Variants in ZNF774 observed in about 807,000 individuals in gnomAD.
The protein encoded by ZNF774 is zinc finger protein 774.
In ZNF774, 14 loss-of-function variants were observed where a neutral mutation model predicts 11.1. The observed-to-expected ratio is 1.26, with a 90% CI of 0.83 to 1.97. The LOEUF is 1.97. Among genes scored for constraint, ZNF774 ranks in the 30% most tolerant of loss-of-function variants. The pLI, the probability that ZNF774 is intolerant of heterozygous loss-of-function variation, is 0.00. For missense variants in ZNF774, 599 were observed against 587.0 expected (o/e 1.02, Z -0.21); for synonymous variants, 195 against 212.6 (o/e 0.92, Z 0.72).
chr15:90,353,841 A>C (rs1964207502), intron 1 of ZNF774, among the ~76,000 whole-genome samples: 1 of 152,106 alleles, frequency 6.6e-6, no homozygotes. Context: ...TAAGGGAAAA[A>C]ACATTATCTT....
chr15:90,361,083 TTTA>T lies in ZNF774; in HGVS notation c.1256_1258del (p.Ile419del). 1 of 1,614,176 alleles carries T rather than the reference TTTA, an allele frequency of 6.2e-7. No homozygotes were observed. Among genetic ancestry groups the T allele is most frequent in the Non-Finnish European group, 8.5e-7 (1 of 1,180,010 alleles). The stretch of plus-strand genomic sequence containing the variant: ...GAAGAGCTTCAATCAGAGCTCCCAC[TTTA>T]TTACCCATCAGCGAATCCACTTAGG... On this transcript the variant is annotated inframe_deletion, in exon 4 of 4. Coordinates refer to ENST00000354377, the MANE Select transcript of ZNF774 (RefSeq NM_001004309.3).
intron 2 of ZNF774, among the ~76,000 whole-genome samples, chr15:90,355,722 CAAAAAAAAA>C (rs35498554): frequency 4.5e-4 from 18 of 40,038 alleles, no homozygotes; most frequent in African/African-American, 1.6e-3. Flanking sequence ...GACTCTGTCT[CAAAAAAAAA>C]AAAAAAAAAA....
intron 2 of ZNF774, among the ~76,000 whole-genome samples, chr15:90,355,960 G>A (rs1464492711): frequency 1.1e-4 from 17 of 148,808 alleles, no homozygotes; most frequent in African/African-American, 2.2e-4. Context: ...ACTGGGAGGC[G>A]GAGCTTGCAG....
At position 90,356,067 on chromosome 15, in the gene ZNF774, C is replaced by T. The variant is rs1399491746; in HGVS notation, c.104+1303C>T. ...AAATAAAAAAAACCAAAAACACCTC[C>T]AATGCTCTTTCTCAAATATCATGGC... On this transcript the variant is annotated intron_variant, in intron 2 of 3. Transcript: ENST00000354377. Among the ~76,000 whole-genome samples, 5 of 148,768 alleles carry T rather than the reference C, an allele frequency of 3.4e-5. No individual in the cohort carries two copies. In the East Asian group the frequency reaches 7.8e-4, roughly 23 times the overall value.
chr15:90,360,626 C>T lies in ZNF774; in HGVS notation c.795C>T (p.Cys265=). ...ACACAGGCGAGAAGCCCTACGCGTG[C>T]CTGGAATGTCACAAAAGCTTCAGTC... ...RTHTGEKPYA[C]LECHKSFSRS... is the part of the protein sequence containing the mutation. The change falls in exon 4 of 4, where the codon TGC becomes TGT. Residue 265 remains cysteine (C), a synonymous_variant. Coordinates refer to ENST00000354377, the MANE Select transcript of ZNF774 (RefSeq NM_001004309.3). 1 of 1,614,174 alleles carries T rather than the reference C, an allele frequency of 6.2e-7. No individual in the cohort carries two copies. The highest frequency in any genetic ancestry group is 8.5e-7 in the Non-Finnish European group (1 of 1,180,032).
At chr15:90,356,507 A>G (rs1964251994) in intron 2 of ZNF774, among the ~76,000 whole-genome samples, 2 of 152,154 alleles carry the variant, frequency 1.3e-5, no homozygotes, top group African/African-American at 4.8e-5. Flanking sequence ...TACTTCATCT[A>G]TTATACAAGT....
In ZNF774 at chr15:90,354,718, C is replaced by T. The variant is rs541193191; in HGVS notation, c.58C>T (p.Leu20Phe). 6 of 1,612,716 alleles carry T rather than the reference C, an allele frequency of 3.7e-6. No homozygotes were observed. In the African/African-American group the frequency reaches 5.3e-5, roughly 14 times the overall value. The change falls in exon 2 of 4, where the codon CTC becomes TTC. Residue 20 changes from leucine (L) to phenylalanine (F), a missense_variant. Coordinates refer to ENST00000354377, the MANE Select transcript of ZNF774 (RefSeq NM_001004309.3). ...GLPGHCLENP[L>F]QECHPAQLEE... Reference sequence around the variant, plus strand: ...ACCTGGACACTGCTTAGAGAATCCTCTCCAGGAATGCCACCCAGCACAGTT... The same window carrying T: ...ACCTGGACACTGCTTAGAGAATCCTTTCCAGGAATGCCACCCAGCACAGTT...
rs1450592634 is a variant in ZNF774 at position 90,355,299 on chromosome 15, T to A, written c.104+535T>A. 10 of 456,164 alleles carry A rather than the reference T, an allele frequency of 2.2e-5. No individual in the cohort carries two copies. The Admixed American group carries it at 2.3e-4, about 11-fold the overall frequency. The allele number at this position is 456,164 out of a possible 1,614,324, so 28.3% of individuals were successfully genotyped here. Reference sequence around the variant, plus strand: ...ATGTCTTTGCTATTTATTGTCCTTTTAATATCTCATCATAACTTTTTGACT... The same window carrying A: ...ATGTCTTTGCTATTTATTGTCCTTTAAATATCTCATCATAACTTTTTGACT... On this transcript the variant is annotated intron_variant, in intron 2 of 3. Coordinates refer to ENST00000354377, the MANE Select transcript of ZNF774 (RefSeq NM_001004309.3).
chr15:90,357,559 T>C (rs1243307682), intron 2 of ZNF774, among the ~76,000 whole-genome samples: 1 of 152,174 alleles, frequency 6.6e-6, no homozygotes, highest in Non-Finnish European at 1.5e-5. Flanking sequence ...AAAATAGCAA[T>C]AATAGTTAAC....
chr15:90,361,378 C>A lies in ZNF774; in HGVS notation c.*95C>A. ...AGAGAAAACCTGGGCGTCAGTGGCT[C>A]AATTTGGGCCCTGATCTATTCTCCC... On this transcript the variant is annotated 3_prime_UTR_variant, in exon 4 of 4. Transcript: ENST00000354377. 6.7e-7 allele frequency: 1 copy of A among 1,501,306 alleles called. No individual in the cohort carries two copies. The highest frequency in any genetic ancestry group is 8.8e-7 in the Non-Finnish European group (1 of 1,134,596). 93.0% of individuals were successfully genotyped at this position (1,501,306 alleles called of 1,614,324 possible).
At position 90,361,026 on chromosome 15, in the gene ZNF774, G is replaced by T; in HGVS notation, c.1195G>T (p.Gly399Ter). ...ALIKHQRIHT[G>*]ERPYKCGECG... ...CATTAAGCACCAACGAATCCACACC[G>T]GAGAAAGACCCTACAAATGTGGAGA... The change falls in exon 4 of 4, where the codon GGA (glycine) becomes TGA (stop). Residue 399 changes from glycine (G) to a stop codon, truncating the protein, a stop_gained. Coordinates refer to ENST00000354377, the MANE Select transcript of ZNF774 (RefSeq NM_001004309.3). LOFTEE classifies it low-confidence loss of function (END_TRUNC). 1 of 1,614,162 alleles carries T rather than the reference G, an allele frequency of 6.2e-7. No individual in the cohort carries two copies. The highest frequency in any genetic ancestry group is 1.1e-5 in the South Asian group (1 of 91,082).
At position 90,360,818 on chromosome 15, in the gene ZNF774, A is replaced by G. The variant is rs1361193641; in HGVS notation, c.987A>G (p.Arg329=). 1 of 1,613,996 alleles carries G rather than the reference A, an allele frequency of 6.2e-7. No homozygotes were observed. Among genetic ancestry groups the G allele is most frequent in the Non-Finnish European group, 8.5e-7 (1 of 1,180,032 alleles). Residue 329 remains arginine, a synonymous_variant, in exon 4 of 4, where the codon AGA becomes AGG. Transcript: ENST00000354377. ...GCCCGGAGTGCGGGAAGGGCTTCAG[A>G]GATAGTTCTCATTTTGTAGCTCACA... ...FKCPECGKGF[R]DSSHFVAHMS...
Position 90,362,175 on chromosome 15 carries a change from C to A in ZNF774, c.*892C>A. 1 of 189,672 alleles carries A rather than the reference C, an allele frequency of 5.3e-6. No individual in the cohort carries two copies. Among genetic ancestry groups the A allele is most frequent in the East Asian group, 1.2e-4 (1 of 8,028 alleles). 11.7% of individuals were successfully genotyped at this position (189,672 alleles called of 1,614,324 possible). On this transcript the variant is annotated 3_prime_UTR_variant, in exon 4 of 4. Transcript: ENST00000354377. Reference sequence around the variant, plus strand: ...ATAAAATGGAAATGCACTGCCAGTTCAGTGCTGTGCAGGCATTAGTCACCA... The same window carrying A: ...ATAAAATGGAAATGCACTGCCAGTTAAGTGCTGTGCAGGCATTAGTCACCA...
intron 2 of ZNF774, 37 bp downstream of exon 2, chr15:90,354,801 CTT>C (rs759829710): frequency 6.5e-7 from 1 of 1,542,270 alleles, no homozygotes; most frequent in Non-Finnish European, 8.9e-7. Flanking sequence ...ATTTATTTAT[CTT>C]GTTTTTTTTG....
chr15:90,354,054 C>T (rs1964210343), intron 1 of ZNF774, among the ~76,000 whole-genome samples: 1 of 149,562 alleles, frequency 6.7e-6, no homozygotes, highest in African/African-American at 2.5e-5. Context: ...TTTTTACAAC[C>T]TATCCATGTC....
intron 2 of ZNF774, among the ~76,000 whole-genome samples, chr15:90,357,296 C>G (rs142736307): frequency 1.3e-5 from 2 of 152,194 alleles, no homozygotes; most frequent in African/African-American, 4.8e-5. Flanking sequence ...CACTTGAGCT[C>G]TGGAGTTCCA....
chr15:90,355,156 C>T (rs118120814), intron 2 of ZNF774, among the ~76,000 whole-genome samples: 1 of 152,312 alleles, frequency 6.6e-6, no homozygotes, highest in Non-Finnish European at 1.5e-5. Flanking sequence ...TTGGAGAGGG[C>T]CCAGGTCTGA....
At chr15:90,358,072 G>C (rs1964272543) in intron 2 of ZNF774, among the ~76,000 whole-genome samples, 1 of 151,896 alleles carries the variant, frequency 6.6e-6, no homozygotes, top group South Asian at 2.1e-4. Flanking sequence ...ATTTTTAGTA[G>C]AGACGGGGTT....
chr15:90,358,236 C>G (rs964701054), intron 2 of ZNF774, among the ~76,000 whole-genome samples: 2 of 152,172 alleles, frequency 1.3e-5, no homozygotes, highest in African/African-American at 4.8e-5. Flanking sequence ...GTTTAAGTAA[C>G]TTTCTTAAGG....
Sources: gnomAD v4.1 joint callset for allele counts (sites outside exome capture counted in the v4.1 genomes callset) on GRCh38, gnomAD v4.1.1 for gene constraint, MANE v1.5 for transcripts, NCBI Gene and HGNC (gene_info 2026-07-23, HGNC 2026-07-21) for gene names.